Variants in KARS1 observed in about 807,000 individuals in gnomAD.
KARS1 encodes lysine--tRNA ligase.
In KARS1, 50 loss-of-function variants were observed where a neutral mutation model predicts 63.9. The ratio of observed to expected loss-of-function variants is 0.78; its 90% CI spans 0.62 to 0.99. KARS1 has a LOEUF of 0.99. KARS1 is among the 50% of genes least tolerant of loss of function. The pLI is 0.00. For missense variants in KARS1, 816 were observed against 754.5 expected (o/e 1.08, Z -0.95); for synonymous variants, 320 against 264.6 (o/e 1.21, Z -2.03).
In KARS1 at chr16:75,641,670, T is replaced by A; in HGVS notation, c.116A>T (p.Lys39Ile). The change falls in exon 2 of 14, where the codon AAA becomes ATA. Residue 39 changes from lysine (K) to isoleucine (I), a missense_variant. By Grantham distance (102) the Lys-to-Ile change is moderately radical (BLOSUM62 -3). Coordinates refer to ENST00000302445, the MANE Select transcript of KARS1 (RefSeq NM_005548.3). ...CTGTTTCTCACTGAGCTCTTTCTGT[T>A]TGGCCTCCTTCTCTGCTACTTTCTT... is the stretch of plus-strand genomic sequence containing the variant. Reference protein sequence around the residue: ...AEKKVAEKEAKQKELSEKQLS... With the variant: ...AEKKVAEKEAIQKELSEKQLS... 6.2e-7 allele frequency: 1 copy of A among 1,614,056 alleles called. No individual in the cohort carries two copies. Among genetic ancestry groups the A allele is most frequent in the Admixed American group, 1.7e-5 (1 of 60,026 alleles).
chr16:75,642,404 G>T (rs548270692), intron 1 of KARS1, among the ~76,000 whole-genome samples: 1 of 151,846 alleles, frequency 6.6e-6, no homozygotes, highest in Non-Finnish European at 1.5e-5. Context: ...GTTTCACCAC[G>T]TTGGCCAGAC....
At chr16:75,637,434 CA>C (rs2082173988) in intron 3 of KARS1, among the ~76,000 whole-genome samples, 1 of 151,972 alleles carries the variant, frequency 6.6e-6, no homozygotes, top group Admixed American at 6.6e-5. Flanking sequence ...GCAGCTGAAA[CA>C]GGGAGGGGAT....
chr16:75,638,611 G>T (rs956063580), intron 3 of KARS1, among the ~76,000 whole-genome samples: 12 of 152,134 alleles, frequency 7.9e-5, no homozygotes, highest in African/African-American at 2.9e-4. Flanking sequence ...ACACATGAAA[G>T]AATTAGAAAT....
intron 1 of KARS1, among the ~76,000 whole-genome samples, chr16:75,644,925 G>C (rs1280822587): frequency 6.6e-6 from 1 of 152,226 alleles, no homozygotes; most frequent in African/African-American, 2.4e-5. Flanking sequence ...ACGTGTCAAA[G>C]AGAAGACTTG....
chr16:75,629,933 G>C (rs75260215), intron 11 of KARS1, among the ~76,000 whole-genome samples: 6 of 152,228 alleles, frequency 3.9e-5, no homozygotes, highest in African/African-American at 1.2e-4. Flanking sequence ...ACGGTGAGGA[G>C]GGTGAGAGAG....
chr16:75,630,614 A>G (rs1420884131), intron 10 of KARS1, 106 bp from the exon 11 acceptor site: 1 of 560,472 alleles, frequency 1.8e-6, no homozygotes, highest in East Asian at 3.2e-5. Flanking sequence ...TTTATCCTAT[A>G]GCTTTTTATT....
rs766177979 is a variant in KARS1, at chr16:75,647,645, C to A, written c.-6G>T. On this transcript the variant is annotated 5_prime_UTR_variant, in exon 1 of 14. Transcript: ENST00000302445. ...GCCGCCTGCACGGCCGCCATCTTCC[C>A]GGAGGGCCCGACCCAAAAGTAAGGA... 2 of 1,613,752 alleles carry A rather than the reference C, an allele frequency of 1.2e-6. No individual in the cohort carries two copies. Among genetic ancestry groups the A allele is most frequent in the African/African-American group, 2.7e-5 (2 of 74,942 alleles).
chr16:75,640,753 G>A (rs557115273), intron 2 of KARS1, among the ~76,000 whole-genome samples: 2 of 152,288 alleles, frequency 1.3e-5, no homozygotes, highest in Middle Eastern at 3.4e-3. Context: ...CCAAGGCATG[G>A]GGCCTGGAGA....
intron 10 of KARS1, among the ~76,000 whole-genome samples, chr16:75,630,917 G>A (rs1233049172): frequency 6.6e-6 from 1 of 152,160 alleles, no homozygotes; most frequent in Non-Finnish European, 1.5e-5. Context: ...TTACAGGTGT[G>A]AGCCACCATG....
At chr16:75,643,375 TCACC>T (rs2082245498) in intron 1 of KARS1, among the ~76,000 whole-genome samples, 1 of 151,418 alleles carries the variant, frequency 6.6e-6, no homozygotes, top group African/African-American at 2.4e-5. Context: ...TTTGAATCTT[TCACC>T]TTTTTTTTTT....
intron 3 of KARS1, among the ~76,000 whole-genome samples, chr16:75,638,899 G>A (rs1021096151): frequency 1.3e-5 from 2 of 152,208 alleles, no homozygotes; most frequent in South Asian, 2.1e-4. Context: ...TGGGAGCAGC[G>A]GCTCATGCCT....
rs149424412 is a variant in KARS1 at position 75,635,963 on chromosome 16, C to T, written c.618G>A (p.Leu206=). The T allele has an allele frequency of 2.2e-5, 36 of 1,614,064 alleles. No individual in the cohort carries two copies. The African/African-American group carries it at 3.2e-4, about 14-fold the overall frequency. Residue 206 remains leucine, a synonymous_variant, in exon 5 of 14, where the codon CTG becomes CTA. Coordinates refer to ENST00000302445, the MANE Select transcript of KARS1 (RefSeq NM_005548.3). ...GAGGTAACATATGCAAACAGGGAGA[C>T]AGCAGTGTGATCTCATACGGAATGA... ...LSIIPYEITL[L]SPCLHMLPHL...
chr16:75,628,828 A>G (rs2082079648), intron 12 of KARS1, 116 bp from the exon 13 acceptor site: 1 of 1,068,372 alleles, frequency 9.4e-7, no homozygotes, highest in Non-Finnish European at 1.4e-6. Context: ...TGCTCCTGAC[A>G]CTCAGGACTT....
chr16:75,645,966 A>G (rs1336209195), intron 1 of KARS1, among the ~76,000 whole-genome samples: 3 of 152,198 alleles, frequency 2.0e-5, no homozygotes, highest in Non-Finnish European at 4.4e-5. Context: ...CTAAAGTTCA[A>G]TTCAATGTAA....
At chr16:75,636,644 T>G in intron 3 of KARS1, 97 bp from the exon 4 acceptor site, 13 of 745,930 alleles carry the variant, frequency 1.7e-5, no homozygotes, top group East Asian at 2.7e-5. Context: ...TTTTTTTTTG[T>G]TTTTTTTGGG....
At position 75,628,617 on chromosome 16, in the gene KARS1, C is replaced by G. The variant is rs368988143; in HGVS notation, c.1647G>C (p.Met549Ile). 1 of 1,614,142 alleles carries G rather than the reference C, an allele frequency of 6.2e-7. No individual in the cohort carries two copies. Among genetic ancestry groups the G allele is most frequent in the East Asian group, 2.2e-5 (1 of 44,886 alleles). ...GAAACATGGCGACTCGATCAATGCC[C>G]ATGCCCCAGCCAGCTGTGGGGGGCA... ...YGLPPTAGWG[M>I]GIDRVAMFLT... Residue 549 changes from methionine to isoleucine, a missense_variant, in exon 13 of 14, where the codon ATG becomes ATC. By Grantham distance (10) the Met-to-Ile change is conservative (BLOSUM62 1). Transcript: ENST00000302445.
chr16:75,629,662 TG>T lies in KARS1; in HGVS notation c.1425-122del. The T allele has an allele frequency of 2.9e-6, 3 of 1,046,138 alleles. No homozygotes were observed. In the Admixed American group the frequency reaches 5.3e-5, roughly 19 times the overall value. 64.8% of individuals were successfully genotyped at this position (1,046,138 alleles called of 1,614,324 possible). ...TCACGCAGGCTGGAGTGCAGTGGTG[TG>T]ATCTCGGCTCACTGCAACCTCTGTC... On this transcript the variant is annotated intron_variant, in intron 11 of 13. Transcript: ENST00000302445.
Position 75,629,523 on chromosome 16 carries a change from A to G in KARS1, c.1443T>C (p.Gly481=). 2.5e-6 allele frequency: 4 copies of G among 1,614,118 alleles called. No homozygotes were observed. The highest frequency in any genetic ancestry group is 3.4e-6 in the Non-Finnish European group (4 of 1,179,984). ...PLAKWHRSKE[G]LTERFELFVM... is the part of the protein sequence containing the mutation. ...CAAACAGCTCAAAGCGCTCAGTCAGACCCTCTTTAGAGCGGTGCCTAGGGA... is the reference window on the plus strand; with the variant it reads ...CAAACAGCTCAAAGCGCTCAGTCAGGCCCTCTTTAGAGCGGTGCCTAGGGA... The change falls in exon 12 of 14, where the codon GGT becomes GGC. Residue 481 remains glycine (G), a synonymous_variant. Coordinates refer to ENST00000302445, the MANE Select transcript of KARS1 (RefSeq NM_005548.3).
intron 7 of KARS1, among the ~76,000 whole-genome samples, chr16:75,632,334 T>G (rs1416835708): frequency 1.3e-5 from 2 of 152,220 alleles, no homozygotes; most frequent in Non-Finnish European, 2.9e-5. Flanking sequence ...GTAGTGTGGA[T>G]AGTTACCCCT....
Sources: gnomAD v4.1 joint callset for allele counts (sites outside exome capture counted in the v4.1 genomes callset) on GRCh38, gnomAD v4.1.1 for gene constraint, MANE v1.5 for transcripts, NCBI Gene and HGNC (gene_info 2026-07-23, HGNC 2026-07-21) for gene names.